Variants in NCAM1 observed in about 807,000 individuals in gnomAD.
The protein encoded by NCAM1 is neural cell adhesion molecule 1.
Under a neutral mutation model 109.8 loss-of-function variants are expected in NCAM1, and 14 were observed. The ratio of observed to expected loss-of-function variants is 0.13; its 90% CI spans 0.08 to 0.20. NCAM1 has a LOEUF of 0.20. NCAM1 is among the 10% of genes least tolerant of loss of function. The pLI is 1.00. For synonymous variants in NCAM1, 418 were observed against 442.9 expected (o/e 0.94, Z 0.70); for missense variants, 774 against 1,109.9 (o/e 0.70, Z 4.30).
intron 1 of NCAM1, among the ~76,000 whole-genome samples, chr11:113,157,665 C>T (rs1942463690): frequency 6.6e-6 from 1 of 152,056 alleles, no homozygotes; most frequent in South Asian, 2.1e-4. Flanking sequence ...AACTGAAAAA[C>T]TTAAATATTT....
intron 1 of NCAM1, among the ~76,000 whole-genome samples, chr11:113,121,832 A>G (rs1415845547): frequency 1.3e-5 from 2 of 152,138 alleles, no homozygotes; most frequent in Non-Finnish European, 2.9e-5. Flanking sequence ...TTACTGTGTA[A>G]TGTCTTTTTC....
At chr11:113,118,863 C>G (rs1940824374) in intron 1 of NCAM1, among the ~76,000 whole-genome samples, 1 of 151,952 alleles carries the variant, frequency 6.6e-6, no homozygotes, top group South Asian at 2.1e-4. Context: ...ATATTCAAAA[C>G]AAGTCAAGGA....
At chr11:113,122,338 T>C (rs1226667745) in intron 1 of NCAM1, among the ~76,000 whole-genome samples, 1 of 152,204 alleles carries the variant, frequency 6.6e-6, no homozygotes, top group African/African-American at 2.4e-5. Context: ...ATCTCTCTTC[T>C]CCATAAGTAA....
intron 1 of NCAM1, chr11:113,133,616 T>C (rs1383807980): frequency 1.1e-4 from 17 of 152,120 alleles, no homozygotes; most frequent in African/African-American, 4.1e-4. Flanking sequence ...ATTTCACATC[T>C]CCTGGGGCCT....
intron 1 of NCAM1, among the ~76,000 whole-genome samples, chr11:113,019,115 T>A (rs1464734218): frequency 2.0e-5 from 3 of 152,226 alleles, no homozygotes; most frequent in Non-Finnish European, 4.4e-5. Context: ...ATGCTTCCTG[T>A]GTCACTATAC....
intron 1 of NCAM1, among the ~76,000 whole-genome samples, chr11:113,140,549 C>T (rs1303946628): frequency 3.3e-5 from 5 of 152,186 alleles, no homozygotes; most frequent in African/African-American, 1.2e-4. Flanking sequence ...CCTTTTATAA[C>T]ATGCATTGCT....
At chr11:113,149,926 T>C (rs997394935) in intron 1 of NCAM1, among the ~76,000 whole-genome samples, 9 of 152,180 alleles carry the variant, frequency 5.9e-5, no homozygotes, top group African/African-American at 2.2e-4. Context: ...AGATGTGGGA[T>C]TGACTCTCAG....
intron 1 of NCAM1, among the ~76,000 whole-genome samples, chr11:113,169,818 G>T (rs1448363022): frequency 6.6e-6 from 1 of 152,002 alleles, no homozygotes; most frequent in Non-Finnish European, 1.5e-5. Flanking sequence ...GTAAAGACGG[G>T]GTTTCGCCAT....
Position 113,198,793 on chromosome 11 carries a change from A to C in NCAM1, c.53-3586A>C, listed in dbSNP as rs781987320. 2.3e-4 allele frequency among the ~76,000 whole-genome samples: 35 copies of C among 152,158 alleles called. 1 individual carries two copies. The highest frequency in any genetic ancestry group is 3.4e-4 in the Non-Finnish European group (23 of 68,020). ...TTAGGGGAAGAGTTCAAGCCTTAGA[A>C]GTAGATGATTTTTAATCTTGGTTTT... is the stretch of plus-strand genomic sequence containing the variant. On this transcript the variant is annotated intron_variant, in intron 1 of 19. Transcript: ENST00000316851.
intron 1 of NCAM1, among the ~76,000 whole-genome samples, chr11:113,035,257 T>A (rs764413324): frequency 3.3e-5 from 5 of 152,214 alleles, no homozygotes; most frequent in Non-Finnish European, 5.9e-5. Flanking sequence ...TGATTCTCAA[T>A]TTTTCCCTTG....
intron 1 of NCAM1, among the ~76,000 whole-genome samples, chr11:113,058,876 C>T (rs112941931): frequency 1.3e-5 from 2 of 152,284 alleles, no homozygotes; most frequent in East Asian, 1.9e-4. Flanking sequence ...CTGGGGGAAG[C>T]CATTATTCAT....
chr11:113,013,224 C>T (rs1347946228), intron 1 of NCAM1, among the ~76,000 whole-genome samples: 1 of 151,806 alleles, frequency 6.6e-6, no homozygotes, highest in Non-Finnish European at 1.5e-5. Flanking sequence ...GTTAGGAGTT[C>T]AAGACCAGCC....
chr11:113,061,720 T>G (rs1416418950), intron 1 of NCAM1, among the ~76,000 whole-genome samples: 2 of 152,230 alleles, frequency 1.3e-5, no homozygotes, highest in Non-Finnish European at 2.9e-5. Flanking sequence ...TTATTCACTT[T>G]CTGCTTCTAA....
intron 1 of NCAM1, among the ~76,000 whole-genome samples, chr11:113,185,218 T>C (rs192289809): frequency 6.6e-6 from 1 of 152,012 alleles, no homozygotes; most frequent in East Asian, 1.9e-4. Flanking sequence ...AGTTTCAATC[T>C]GAGTCCAAGA....
chr11:112,997,615 G>T (rs1352198290), intron 1 of NCAM1, among the ~76,000 whole-genome samples: 1 of 152,076 alleles, frequency 6.6e-6, no homozygotes, highest in South Asian at 2.1e-4. Flanking sequence ...TAAGATACAC[G>T]TTACCATATG....
At chr11:113,007,965 A>G (rs1951931678) in intron 1 of NCAM1, among the ~76,000 whole-genome samples, 2 of 152,272 alleles carry the variant, frequency 1.3e-5, no homozygotes, top group African/African-American at 4.8e-5. Flanking sequence ...GTGTCTGTGT[A>G]TAAAATAACT....
At chr11:113,066,607 A>T (rs1555084281) in intron 1 of NCAM1, among the ~76,000 whole-genome samples, 1 of 152,090 alleles carries the variant, frequency 6.6e-6, no homozygotes, top group African/African-American at 2.4e-5. Context: ...TTATGACTCT[A>T]ATTTTCATTT....
At chr11:113,128,815 G>A (rs1941278825) in intron 1 of NCAM1, among the ~76,000 whole-genome samples, 1 of 152,066 alleles carries the variant, frequency 6.6e-6, no homozygotes, top group African/African-American at 2.4e-5. Flanking sequence ...GGGCGTGGGG[G>A]TACAGGCCGT....
chr11:112,967,607 G>A (rs1950762501), intron 1 of NCAM1, among the ~76,000 whole-genome samples: 1 of 152,210 alleles, frequency 6.6e-6, no homozygotes. Context: ...TAGGACTTCA[G>A]TGCATGTAGG....
Sources: gnomAD v4.1 joint callset for allele counts (sites outside exome capture counted in the v4.1 genomes callset) on GRCh38, gnomAD v4.1.1 for gene constraint, MANE v1.5 for transcripts, NCBI Gene and HGNC (gene_info 2026-07-23, HGNC 2026-07-21) for gene names.